TRPA1: variants seen among roughly 807,000 people sequenced by gnomAD.
TRPA1 encodes ankyrin-like with transmembrane domains 1.
Under a neutral mutation model 131.3 loss-of-function variants are expected in TRPA1, and 129 were observed. That is an observed-to-expected ratio of 0.98 (90% CI 0.85 to 1.14). The LOEUF is 1.14. TRPA1 is among the 50% of genes most tolerant of loss of function. TRPA1 has a pLI of 0.00. For synonymous variants in TRPA1, 441 were observed against 451.7 expected (o/e 0.98, Z 0.30); for missense variants, 1,304 against 1,354.2 (o/e 0.96, Z 0.58).
intron 15 of TRPA1, among the ~76,000 whole-genome samples, chr8:72,047,626 T>C (rs1024271309): frequency 6.6e-6 from 1 of 152,134 alleles, no homozygotes; most frequent in African/African-American, 2.4e-5. Flanking sequence ...CATATTTCCA[T>C]AAGTAGAAAA....
intron 22 of TRPA1, among the ~76,000 whole-genome samples, 173 bp from the exon 23 acceptor site, chr8:72,033,999 A>C (rs1239797541): frequency 1.3e-5 from 2 of 152,236 alleles, no homozygotes; most frequent in Non-Finnish European, 2.9e-5. Flanking sequence ...CATCAAAAAT[A>C]TGTTATCTGC....
intron 23 of TRPA1, among the ~76,000 whole-genome samples, chr8:72,032,731 G>A (rs1010799752): frequency 6.6e-6 from 1 of 152,148 alleles, no homozygotes; most frequent in African/African-American, 2.4e-5. Context: ...TATTCCTATT[G>A]CCATCCTTTC....
chr8:72,084,950 G>C, the TRPA1 span, among the ~76,000 whole-genome samples: 3 of 152,010 alleles, frequency 2.0e-5, no homozygotes, highest in Non-Finnish European at 4.4e-5. Context: ...CACCCGGCCA[G>C]TGATAAAATT....
intron 2 of TRPA1, among the ~76,000 whole-genome samples, chr8:72,070,433 C>T (rs1806034810): frequency 6.6e-6 from 1 of 152,178 alleles, no homozygotes; most frequent in African/African-American, 2.4e-5. Flanking sequence ...AAAACTTAAA[C>T]AGGGATCTAT....
At chr8:72,023,638 A>G (rs1811476298) in intron 26 of TRPA1, 176 bp downstream of exon 26, 1 of 544,302 alleles carries the variant, frequency 1.8e-6, no homozygotes, top group African/African-American at 1.9e-5. Flanking sequence ...AATAGTGGCA[A>G]ATATGTTGTT....
In TRPA1 at chr8:72,022,799, C is replaced by A; in HGVS notation, c.*107G>T. The A allele has an allele frequency of 9.7e-7, 1 of 1,029,880 alleles. No homozygotes were observed. Among genetic ancestry groups the A allele is most frequent in the Non-Finnish European group, 1.5e-6 (1 of 672,186 alleles). The allele number at this position is 1,029,880 out of a possible 1,614,324, so 63.8% of individuals were successfully genotyped here. A position where few individuals can be genotyped will look rare whatever the true frequency, so the allele number is the denominator to read the frequency against. ...AGCATGCAGGAACCATGATTTCACACGCAGCAAAATGAATCATTCTGCTTC... is the reference window on the plus strand; with the variant it reads ...AGCATGCAGGAACCATGATTTCACAAGCAGCAAAATGAATCATTCTGCTTC... On this transcript the variant is annotated 3_prime_UTR_variant, in exon 27 of 27. Transcript: ENST00000262209.
the TRPA1 span, among the ~76,000 whole-genome samples, chr8:72,083,800 T>C: frequency 2.0e-5 from 3 of 152,280 alleles, no homozygotes; most frequent in East Asian, 5.8e-4. Flanking sequence ...TTTCTCGGGC[T>C]TAAACTGTAG....
intron 23 of TRPA1, among the ~76,000 whole-genome samples, chr8:72,033,334 T>A (rs987706048): frequency 5.3e-5 from 8 of 152,238 alleles, no homozygotes; most frequent in African/African-American, 1.7e-4. Flanking sequence ...CCTAAATTCC[T>A]GACTGTTTGT....
At chr8:72,059,267 T>G in intron 8 of TRPA1, 123 bp downstream of exon 8, 1 of 667,980 alleles carries the variant, frequency 1.5e-6, no homozygotes, top group Non-Finnish European at 2.6e-6. Context: ...TCATTTTGTA[T>G]ACTTTTTGCT....
intron 21 of TRPA1, among the ~76,000 whole-genome samples, chr8:72,035,300 GC>G (rs1434002054): frequency 6.6e-6 from 1 of 152,176 alleles, no homozygotes; most frequent in African/African-American, 2.4e-5. Context: ...GTGTGACAGT[GC>G]CTGAACCTGT....
the TRPA1 span, among the ~76,000 whole-genome samples, chr8:72,085,568 G>A: frequency 6.6e-6 from 1 of 151,160 alleles, no homozygotes; most frequent in South Asian, 2.1e-4. Context: ...TATTAACACT[G>A]CCTTACCATC....
At chr8:72,042,470 G>A (rs1040929831) in intron 17 of TRPA1, among the ~76,000 whole-genome samples, 1 of 151,854 alleles carries the variant, frequency 6.6e-6, no homozygotes, top group Non-Finnish European at 1.5e-5. Flanking sequence ...TGGTGGGAAT[G>A]TAAAATGGAA....
chr8:72,025,866 A>T, intron 25 of TRPA1, 94 bp downstream of exon 25: 1 of 1,047,804 alleles, frequency 9.5e-7, no homozygotes, highest in South Asian at 1.3e-5. Flanking sequence ...GAGAAGACTC[A>T]AAGTCTATAA....
In TRPA1 at chr8:72,047,217, A is replaced by AG; in HGVS notation, c.1906-11dup. 1 of 1,608,516 alleles carries AG rather than the reference A, an allele frequency of 6.2e-7. No individual in the cohort carries two copies. Among genetic ancestry groups the AG allele is most frequent in the East Asian group, 2.2e-5 (1 of 44,680 alleles). On this transcript the variant is annotated splice_polypyrimidine_tract_variant and intron_variant, in intron 15 of 26. Transcript: ENST00000262209. ...AGAAATCTAAAAGTACCTTTGAAAG[A>AG]GAAAAACCAGCTAAGATATTGGGGC...
chr8:72,053,834 C>G lies in TRPA1; in HGVS notation c.1563G>C (p.Ala521=), dbSNP rs369662285. The change falls in exon 13 of 27, where the codon GCG becomes GCC. Residue 521 remains alanine, a synonymous_variant. Coordinates refer to ENST00000262209, the MANE Select transcript of TRPA1 (RefSeq NM_007332.3). ...DHNGWTALHH[A]SMGGYTQTMK... is the part of the protein sequence containing the mutation. ...TGGTCTGAGTGTACCCGCCCATGGA[C>G]GCATGATGCAAAGCTGTCCAGCCAT... 6.2e-7 allele frequency: 1 copy of G among 1,612,038 alleles called. No individual in the cohort carries two copies. The highest frequency in any genetic ancestry group is 1.3e-5 in the African/African-American group (1 of 74,944).
chr8:72,049,950 T>C (rs928118296), intron 15 of TRPA1, among the ~76,000 whole-genome samples: 4 of 152,068 alleles, frequency 2.6e-5, no homozygotes, highest in Non-Finnish European at 5.9e-5. Context: ...TTTTTTTTAA[T>C]TTTTATTTTT....
intron 7 of TRPA1, among the ~76,000 whole-genome samples, chr8:72,059,844 C>T (rs1413856563): frequency 1.3e-5 from 2 of 152,130 alleles, no homozygotes; most frequent in Non-Finnish European, 2.9e-5. Flanking sequence ...TCAAAAGCCC[C>T]TCTTTGGGGG....
chr8:72,089,034 G>A, the TRPA1 span, among the ~76,000 whole-genome samples: 28 of 152,148 alleles, frequency 1.8e-4, no homozygotes, highest in Non-Finnish European at 2.6e-4. Flanking sequence ...ACAGCAAATC[G>A]TATTTCAAAT....
chr8:72,066,116 C>T (rs1174274027), intron 3 of TRPA1, among the ~76,000 whole-genome samples: 1 of 152,000 alleles, frequency 6.6e-6, no homozygotes, highest in Non-Finnish European at 1.5e-5. Flanking sequence ...TGTGGTGTAA[C>T]CCAATTAATT....
Sources: gnomAD v4.1 joint callset for allele counts (sites outside exome capture counted in the v4.1 genomes callset) on GRCh38, gnomAD v4.1.1 for gene constraint, MANE v1.5 for transcripts, NCBI Gene and HGNC (gene_info 2026-07-23, HGNC 2026-07-21) for gene names.